ACBD6: variants seen among roughly 807,000 people sequenced by gnomAD.
ACBD6 encodes acyl-CoA-binding domain-containing protein 6.
Under a neutral mutation model 37.2 loss-of-function variants are expected in ACBD6, and 28 were observed. The ratio of observed to expected loss-of-function variants is 0.75; its 90% confidence interval spans 0.56 to 1.03. The LOEUF is 1.03. ACBD6 is among the 50% of genes least tolerant of loss of function. The pLI, the probability that ACBD6 is intolerant of heterozygous loss-of-function variation, is 0.00. For synonymous variants in ACBD6, 113 were observed against 126.8 expected, an observed-to-expected ratio of 0.89 and a Z score of 0.73; for missense variants, 340 against 337.4, an observed-to-expected ratio of 1.01 and a Z score of -0.06.
At chr1:180,337,018 C>T (rs1651749373) in intron 6 of ACBD6, among the ~76,000 whole-genome samples, 1 of 152,120 alleles carries the variant, frequency 6.6e-6, no homozygotes, top group African/African-American at 2.4e-5. Context: ...AAATTAATAG[C>T]TCACCAACCA....
chr1:180,309,290 G>C (rs1000458480), intron 7 of ACBD6, among the ~76,000 whole-genome samples: 4 of 152,164 alleles, frequency 2.6e-5, no homozygotes, highest in Non-Finnish European at 5.9e-5. Context: ...AATCCAGTCA[G>C]AAATGCTTTT....
rs190904397 is a variant in ACBD6 at position 180,430,690 on chromosome 1, A to G, written c.385-428T>C. ...TAAAAGTTCAAATTTAATTATAAAGAAAATGTTTTTGGGTTAAAAAAAAAA... is the reference window on the plus strand; with the variant it reads ...TAAAAGTTCAAATTTAATTATAAAGGAAATGTTTTTGGGTTAAAAAAAAAA... On this transcript the variant is annotated intron_variant, in intron 3 of 7. Transcript: ENST00000367595. 1.1e-4 allele frequency among the ~76,000 whole-genome samples: 15 copies of G among 139,002 alleles called. No homozygotes were observed. In the Admixed American group the frequency reaches 1.1e-3, roughly 10 times the overall value. The allele number at this position is 139,002 out of a possible 152,430, so 91.2% of individuals were successfully genotyped here.
At chr1:180,478,760 A>C (rs1650898695) in intron 3 of ACBD6, among the ~76,000 whole-genome samples, 1 of 152,160 alleles carries the variant, frequency 6.6e-6, no homozygotes, top group Non-Finnish European at 1.5e-5. Flanking sequence ...CTGGGATTAC[A>C]GGCATGAGTC....
chr1:180,434,058 C>A (rs987574930), intron 3 of ACBD6, among the ~76,000 whole-genome samples: 4 of 152,158 alleles, frequency 2.6e-5, no homozygotes, highest in African/African-American at 9.7e-5. Context: ...CTACAACCAT[C>A]TGGATGAACC....
At chr1:180,320,737 T>C (rs2149294485) in intron 6 of ACBD6, among the ~76,000 whole-genome samples, 1 of 152,344 alleles carries the variant, frequency 6.6e-6, no homozygotes. Flanking sequence ...TTTCTCCCAT[T>C]CTGTGGGTTG....
chr1:180,435,155 C>A, intron 3 of ACBD6: 1 of 705,156 alleles, frequency 1.4e-6, no homozygotes. Flanking sequence ...AGCAGAAGCA[C>A]ATTAACCTGG....
chr1:180,469,025 ATTTAT>A (rs996052412), intron 3 of ACBD6, among the ~76,000 whole-genome samples: 4 of 152,188 alleles, frequency 2.6e-5, no homozygotes, highest in Non-Finnish European at 4.4e-5. Flanking sequence ...CAGTGCTCAA[ATTTAT>A]TTTATTACTA....
chr1:180,482,726 T>A (rs1399517781), intron 3 of ACBD6, among the ~76,000 whole-genome samples: 2 of 152,110 alleles, frequency 1.3e-5, no homozygotes, highest in Admixed American at 1.3e-4. Context: ...CATCTATATA[T>A]CAGACAAACG....
intron 5 of ACBD6, among the ~76,000 whole-genome samples, chr1:180,409,477 G>A (rs879166052): frequency 6.6e-6 from 1 of 152,126 alleles, no homozygotes; most frequent in Admixed American, 6.5e-5. Context: ...CCAACTATTG[G>A]TGCCATTTTT....
intron 7 of ACBD6, among the ~76,000 whole-genome samples, chr1:180,298,890 T>C (rs1650019776): frequency 6.6e-6 from 1 of 152,180 alleles, no homozygotes. Context: ...CAAGGGTCCT[T>C]TTAAACCACA....
rs575576415 is a variant in ACBD6, at chr1:180,332,408, G to C, written c.664-17686C>G. On this transcript the variant is annotated intron_variant, in intron 6 of 7. Coordinates refer to ENST00000367595, the MANE Select transcript of ACBD6 (RefSeq NM_032360.4). The stretch of plus-strand genomic sequence containing the variant: ...GCTACACAACAGGAGGTGAGTGGCA[G>C]GCAAGTGAGCAAAGCTTCATCTGTA... Among the ~76,000 whole-genome samples the C allele has an allele frequency of 4.6e-5, 7 of 152,246 alleles. No homozygotes were observed. In the South Asian group the frequency reaches 1.2e-3, roughly 27 times the overall value.
intron 6 of ACBD6, among the ~76,000 whole-genome samples, chr1:180,350,414 A>C (rs1407103772): frequency 5.5e-5 from 1 of 18,264 alleles, no homozygotes; most frequent in African/African-American, 2.2e-4. Context: ...AAATCGATCT[A>C]TATTTTCTAT....
intron 5 of ACBD6, among the ~76,000 whole-genome samples, chr1:180,398,006 T>C (rs1044172188): frequency 1.3e-5 from 2 of 151,976 alleles, no homozygotes; most frequent in African/African-American, 2.4e-5. Flanking sequence ...TGGGCCGAGA[T>C]TGTACCACTG....
At chr1:180,372,891 T>C (rs1435460852) in intron 6 of ACBD6, among the ~76,000 whole-genome samples, 1 of 152,174 alleles carries the variant, frequency 6.6e-6, no homozygotes, top group African/African-American at 2.4e-5. Flanking sequence ...AAGCTACTTG[T>C]ATCCAAGCCA....
intron 3 of ACBD6, among the ~76,000 whole-genome samples, chr1:180,488,479 T>C (rs959936713): frequency 2.0e-5 from 3 of 152,186 alleles, no homozygotes; most frequent in African/African-American, 7.2e-5. Flanking sequence ...TATAGATATA[T>C]TTCCAATATC....
intron 5 of ACBD6, among the ~76,000 whole-genome samples, chr1:180,407,470 A>G (rs1571467664): frequency 6.6e-6 from 1 of 152,050 alleles, no homozygotes; most frequent in Non-Finnish European, 1.5e-5. Flanking sequence ...CACTTATTCC[A>G]CCCCTATCAC....
chr1:180,417,448 A>C (rs1185245234), intron 4 of ACBD6, among the ~76,000 whole-genome samples: 1 of 152,194 alleles, frequency 6.6e-6, no homozygotes, highest in Non-Finnish European at 1.5e-5. Context: ...ATGAGGTCTC[A>C]TTAGGACCAT....
chr1:180,273,603 A>C (rs1342205907), intron 11 of ACBD6: 1 of 152,574 alleles, frequency 6.6e-6, no homozygotes, highest in Non-Finnish European at 1.5e-5. Flanking sequence ...CATTTGCCTT[A>C]ATCAAGTCAA....
At chr1:180,414,359 C>A (rs767508500) in intron 4 of ACBD6, among the ~76,000 whole-genome samples, 4 of 152,206 alleles carry the variant, frequency 2.6e-5, no homozygotes, top group Non-Finnish European at 5.9e-5. Flanking sequence ...TTATAACCTG[C>A]AATGCCAGAG....
Sources: allele counts gnomAD v4.1 joint callset (sites outside exome capture counted in the v4.1 genomes callset), GRCh38; gene constraint gnomAD v4.1.1; transcripts MANE v1.5; gene names NCBI Gene and HGNC (gene_info 2026-07-23, HGNC 2026-07-21).